The following PTBP3 variants were observed in gnomAD, a reference collection of about 807,000 sequenced individuals.
PTBP3 encodes the protein polypyrimidine tract-binding protein 3.
Under a neutral mutation model 58.7 loss-of-function variants are expected in PTBP3, and 20 were observed. The observed-to-expected ratio is 0.34, with a 90% CI of 0.24 to 0.50. PTBP3 has a LOEUF of 0.50. Ranked by LOEUF, PTBP3 falls within the 20% of genes least tolerant of loss-of-function variation. The pLI, the probability that PTBP3 is intolerant of heterozygous loss-of-function variation, is 0.98. For missense variants in PTBP3, 509 were observed against 637.2 expected (o/e 0.80, Z 2.17); for synonymous variants, 185 against 219.8 (o/e 0.84, Z 1.40).
At chr9:112,287,532 G>T (rs1828192752) in intron 2 of PTBP3, among the ~76,000 whole-genome samples, 1 of 151,068 alleles carries the variant, frequency 6.6e-6, no homozygotes, top group Admixed American at 6.6e-5. Flanking sequence ...GTAGAGAAGG[G>T]GTTTCACCAT....
intron 2 of PTBP3, among the ~76,000 whole-genome samples, chr9:112,279,917 T>C (rs201236622): frequency 1.9e-4 from 27 of 144,400 alleles, no homozygotes; most frequent in African/African-American, 6.7e-4. Context: ...GTAACACTTT[T>C]AAATTTTTTG....
chr9:112,220,815 A>G lies in PTBP3; in HGVS notation c.*3036T>C, dbSNP rs1004932608. The G allele has an allele frequency of 1.0e-6, 1 of 975,294 alleles. No individual in the cohort carries two copies. The highest frequency in any genetic ancestry group is 1.8e-5 in the African/African-American group (1 of 56,964). 60.4% of individuals were successfully genotyped at this position (975,294 alleles called of 1,614,324 possible). A position where few individuals can be genotyped will look rare whatever the true frequency, so the allele number is the denominator to read the frequency against. On this transcript the variant is annotated 3_prime_UTR_variant, in exon 14 of 14. Transcript: ENST00000374257. Reference sequence around the variant, plus strand: ...TGCTATTTTTTAAAGTCCTGAATATATATACTTTGTGTAGAAGTCAAGACA... The same window carrying G: ...TGCTATTTTTTAAAGTCCTGAATATGTATACTTTGTGTAGAAGTCAAGACA...
At chr9:112,337,023 TTTTG>T (rs529026252), upstream of PTBP3, among the ~76,000 whole-genome samples, 5 of 152,048 alleles carry the variant, frequency 3.3e-5, no homozygotes, top group African/African-American at 9.7e-5. Flanking sequence ...TCAAAGAACT[TTTTG>T]TTTGTTTGTT....
intron 3 of PTBP3, among the ~76,000 whole-genome samples, chr9:112,270,567 C>T (rs1827336218): frequency 6.6e-6 from 1 of 152,044 alleles, no homozygotes; most frequent in Non-Finnish European, 1.5e-5. Context: ...TTAAGCATTC[C>T]TTAAAAAGGC....
intron 1 of PTBP3, among the ~76,000 whole-genome samples, chr9:112,313,506 T>G (rs1412996358): frequency 6.6e-6 from 1 of 152,248 alleles, no homozygotes. Flanking sequence ...TGTAACTTAA[T>G]TTGTGGAAGT....
upstream of PTBP3, among the ~76,000 whole-genome samples, chr9:112,338,161 G>T (rs1026395452): frequency 2.2e-4 from 33 of 152,192 alleles, no homozygotes; most frequent in African/African-American, 8.0e-4. Flanking sequence ...TTAGGAAGAG[G>T]GTGGGAGCAG....
At chr9:112,235,306 A>T (rs1835397943) in intron 7 of PTBP3, among the ~76,000 whole-genome samples, 1 of 152,164 alleles carries the variant, frequency 6.6e-6, no homozygotes, top group Non-Finnish European at 1.5e-5. Flanking sequence ...GAATTATAGG[A>T]GATTCATGAT....
intron 1 of PTBP3, among the ~76,000 whole-genome samples, chr9:112,327,894 C>G (rs1830222579): frequency 6.6e-6 from 1 of 151,698 alleles, no homozygotes; most frequent in African/African-American, 2.4e-5. Context: ...TTCATTCACT[C>G]ATCAAGTATT....
the PTBP3 span, among the ~76,000 whole-genome samples, chr9:112,375,160 T>C: frequency 6.6e-6 from 1 of 152,230 alleles, no homozygotes. Context: ...AATCCTCCTC[T>C]GCTAAGGTCA....
chr9:112,257,001 T>A (rs987458520), intron 5 of PTBP3, among the ~76,000 whole-genome samples: 2 of 151,932 alleles, frequency 1.3e-5, no homozygotes, highest in Non-Finnish European at 2.9e-5. Context: ...ATTTGGAAAA[T>A]TTTTATACTA....
chr9:112,277,584 C>T (rs1827662618), intron 2 of PTBP3, among the ~76,000 whole-genome samples: 2 of 151,856 alleles, frequency 1.3e-5, no homozygotes, highest in Admixed American at 6.6e-5. Flanking sequence ...AGGCCCGGCA[C>T]AGTGATTCAC....
chr9:112,322,134 CAAAAAAAAAA>C (rs149553072), intron 1 of PTBP3, among the ~76,000 whole-genome samples: 3 of 68,316 alleles, frequency 4.4e-5, no homozygotes, highest in East Asian at 4.3e-4. Context: ...GACTCCATCT[CAAAAAAAAAA>C]AAAAAAAAAA....
chr9:112,242,282 C>T (rs1363669144), intron 7 of PTBP3, among the ~76,000 whole-genome samples: 1 of 152,114 alleles, frequency 6.6e-6, no homozygotes, highest in Admixed American at 6.5e-5. Flanking sequence ...GGTGTGCTGG[C>T]CACTGCACCC....
the PTBP3 span, among the ~76,000 whole-genome samples, chr9:112,343,790 CAAA>C: frequency 5.5e-4 from 79 of 143,170 alleles, no homozygotes; most frequent in Admixed American, 1.0e-3. Context: ...GACTCTATCT[CAAA>C]AAAAAAAAAA....
chr9:112,274,386 C>T (rs998418049), intron 3 of PTBP3, among the ~76,000 whole-genome samples: 2 of 152,100 alleles, frequency 1.3e-5, no homozygotes, highest in East Asian at 1.9e-4. Flanking sequence ...CAATGTACTA[C>T]AAAATACCTA....
At chr9:112,329,232 G>A (rs1447900230) in intron 1 of PTBP3, among the ~76,000 whole-genome samples, 1 of 152,086 alleles carries the variant, frequency 6.6e-6, no homozygotes, top group Non-Finnish European at 1.5e-5. Context: ...GCAACGTGTC[G>A]AAACCCCGTC....
At chr9:112,246,519 T>A (rs1394150150) in intron 7 of PTBP3, among the ~76,000 whole-genome samples, 4 of 151,156 alleles carry the variant, frequency 2.6e-5, no homozygotes, top group African/African-American at 9.7e-5. Context: ...ACGGTGAAAG[T>A]CCATCCTACT....
chr9:112,294,816 T>C (rs1233994278), intron 2 of PTBP3, among the ~76,000 whole-genome samples: 2 of 152,098 alleles, frequency 1.3e-5, no homozygotes, highest in African/African-American at 4.8e-5. Context: ...AAATAAATAT[T>C]CAAAAATCAA....
At position 112,320,314 on chromosome 9, in the gene PTBP3, A is replaced by ATATATATATATATAT; in HGVS notation, c.-52+13155_-52+13156insATATATATATATATA. Among the ~76,000 whole-genome samples the ATATATATATATATAT allele has an allele frequency of 1.5e-3, 113 of 75,662 alleles. 1 individual carries two copies. Among genetic ancestry groups the ATATATATATATATAT allele is most frequent in the East Asian group, 2.8e-3 (9 of 3,228 alleles). The allele number at this position is 75,662 out of a possible 152,430, so 49.6% of individuals were successfully genotyped here. A position where few individuals can be genotyped will look rare whatever the true frequency, so the allele number is the denominator to read the frequency against. On this transcript the variant is annotated intron_variant, in intron 1 of 13. Transcript: ENST00000374257. The stretch of plus-strand genomic sequence containing the variant: ...AAAATATATATATATATATATATAT[A>ATATATATATATATAT]TTTTTTTTTAAGTGTTATCACCAGA...
Sources: gnomAD v4.1 joint callset for allele counts (sites outside exome capture counted in the v4.1 genomes callset) on GRCh38, gnomAD v4.1.1 for gene constraint, MANE v1.5 for transcripts, NCBI Gene and HGNC (gene_info 2026-07-23, HGNC 2026-07-21) for gene names.